DPP6: variants seen among roughly 807,000 people sequenced by gnomAD.
DPP6 encodes A-type potassium channel modulatory protein DPP6.
A neutral mutation model predicts 122.6 loss-of-function variants in DPP6; 69 were observed. That is an observed-to-expected ratio of 0.56 (90% CI 0.46 to 0.69). DPP6 has a LOEUF of 0.69. Among genes scored for constraint, DPP6 ranks in the 30% least tolerant of loss-of-function variants. The pLI is 0.00. For synonymous variants in DPP6, 418 were observed against 433.1 expected, an observed-to-expected ratio of 0.97 and a Z score of 0.43; for missense variants, 928 against 1,116.9, an observed-to-expected ratio of 0.83 and a Z score of 2.41.
intron 7 of DPP6, among the ~76,000 whole-genome samples, chr7:154,704,943 C>T (rs567451743): frequency 2.3e-4 from 35 of 152,184 alleles, no homozygotes; most frequent in African/African-American, 8.2e-4. Context: ...GCTATATTGT[C>T]GAGGCTGGGT....
At chr7:154,492,310 G>C (rs571273671) in intron 3 of DPP6, among the ~76,000 whole-genome samples, 2 of 152,264 alleles carry the variant, frequency 1.3e-5, no homozygotes, top group South Asian at 4.1e-4. Flanking sequence ...AAAGGATTCT[G>C]GGCAACTCAG....
intron 1 of DPP6, among the ~76,000 whole-genome samples, chr7:153,975,492 G>A (rs1796255248): frequency 6.6e-6 from 1 of 151,372 alleles, no homozygotes; most frequent in African/African-American, 2.4e-5. Flanking sequence ...CTTGTTATGG[G>A]TCTACAGGGA....
At chr7:153,919,596 G>A (rs899026439) in intron 1 of DPP6, among the ~76,000 whole-genome samples, 2 of 152,166 alleles carry the variant, frequency 1.3e-5, no homozygotes, top group Non-Finnish European at 2.9e-5. Context: ...AAAAGTACAC[G>A]TTAATCCAAG....
At chr7:153,781,088 T>G in the DPP6 span, among the ~76,000 whole-genome samples, 5 of 152,184 alleles carry the variant, frequency 3.3e-5, no homozygotes, top group Non-Finnish European at 5.9e-5. Context: ...TTTAGTCACT[T>G]AGGTGTATTC....
intron 1 of DPP6, among the ~76,000 whole-genome samples, chr7:154,275,335 C>T (rs1192653530): frequency 6.6e-6 from 1 of 152,190 alleles, no homozygotes; most frequent in Non-Finnish European, 1.5e-5. Flanking sequence ...TCCCTTGAAA[C>T]ACATCTTATA....
intron 7 of DPP6, among the ~76,000 whole-genome samples, chr7:154,718,365 G>A (rs1008066694): frequency 6.6e-6 from 1 of 152,028 alleles, no homozygotes; most frequent in Non-Finnish European, 1.5e-5. Flanking sequence ...CTTTCTTCTT[G>A]TTGTTTTATA....
At chr7:154,168,829 A>G (rs771923104) in intron 1 of DPP6, among the ~76,000 whole-genome samples, 2 of 152,256 alleles carry the variant, frequency 1.3e-5, no homozygotes, top group Non-Finnish European at 2.9e-5. Context: ...AGAACTTTAC[A>G]AGCATTTCTA....
the DPP6 span, among the ~76,000 whole-genome samples, chr7:153,752,528 C>T: frequency 1.3e-5 from 2 of 151,674 alleles, no homozygotes; most frequent in South Asian, 2.1e-4. Context: ...GGATTACAGG[C>T]GTGAGCCACC....
chr7:154,141,123 C>G (rs959368480), intron 1 of DPP6, among the ~76,000 whole-genome samples: 1 of 152,140 alleles, frequency 6.6e-6, no homozygotes, highest in Non-Finnish European at 1.5e-5. Flanking sequence ...TAAGCTCTCA[C>G]GTTTGGAGAA....
chr7:154,273,194 T>C (rs1408251010), intron 1 of DPP6, among the ~76,000 whole-genome samples: 1 of 152,116 alleles, frequency 6.6e-6, no homozygotes, highest in Non-Finnish European at 1.5e-5. Flanking sequence ...CCCAATAATG[T>C]AGAGAGCTGC....
In DPP6 at chr7:154,769,544, C is replaced by G. The variant is rs781733598; in HGVS notation, c.1011C>G (p.Pro337=). The change falls in exon 9 of 26, where the codon CCC becomes CCG. Residue 337 remains proline (P), a synonymous_variant. Coordinates refer to ENST00000377770, the MANE Select transcript of DPP6 (RefSeq NM_130797.4). ...CAACTTACACCGGCTCCATCTACCCCACCGTGAAGCCCTACCACTATCCCA... is the reference window on the plus strand; with the variant it reads ...CAACTTACACCGGCTCCATCTACCCGACCGTGAAGCCCTACCACTATCCCA... The part of the protein sequence containing the change: ...ELPTYTGSIY[P]TVKPYHYPKA... The G allele has an allele frequency of 1.2e-5, 19 of 1,611,396 alleles. No individual in the cohort carries two copies. Among genetic ancestry groups the G allele is most frequent in the Admixed American group, 1.7e-5 (1 of 59,772 alleles).
chr7:154,028,911 C>T (rs1165848408), intron 1 of DPP6, among the ~76,000 whole-genome samples: 1 of 151,938 alleles, frequency 6.6e-6, no homozygotes, highest in Non-Finnish European at 1.5e-5. Flanking sequence ...CAACTCTGGC[C>T]TTACTTATGG....
chr7:153,807,926 G>A, the DPP6 span, among the ~76,000 whole-genome samples: 4 of 151,860 alleles, frequency 2.6e-5, no homozygotes, highest in South Asian at 2.1e-4. Context: ...CAGAGGCAGC[G>A]TGGCCTGAAA....
rs751647751 is a variant in DPP6 at position 154,893,001 on chromosome 7, G to A, written c.*521G>A. The A allele has an allele frequency of 2.0e-6, 1 of 506,336 alleles. No individual in the cohort carries two copies. Among genetic ancestry groups the A allele is most frequent in the Non-Finnish European group, 4.0e-6 (1 of 250,840 alleles). 31.4% of individuals were successfully genotyped at this position (506,336 alleles called of 1,614,324 possible). Reference sequence around the variant, plus strand: ...TTCCTGTAATGAGGACGTTCAACATGGTGAGGGGCTACAAGAAAACGCTTT... The same window carrying A: ...TTCCTGTAATGAGGACGTTCAACATAGTGAGGGGCTACAAGAAAACGCTTT... On this transcript the variant is annotated 3_prime_UTR_variant, in exon 26 of 26. Coordinates refer to ENST00000377770, the MANE Select transcript of DPP6 (RefSeq NM_130797.4).
chr7:153,997,045 C>G (rs1014614001), intron 1 of DPP6, among the ~76,000 whole-genome samples: 2 of 152,144 alleles, frequency 1.3e-5, no homozygotes, highest in African/African-American at 2.4e-5. Context: ...CTCTCTCTCT[C>G]TCTCTCCATC....
intron 8 of DPP6, among the ~76,000 whole-genome samples, chr7:154,745,978 T>C (rs928497817): frequency 6.6e-5 from 10 of 152,186 alleles, no homozygotes; most frequent in African/African-American, 2.2e-4. Flanking sequence ...AGCCAGGCCA[T>C]AGCAGGGCAT....
chr7:154,153,314 T>C (rs1259995724), intron 1 of DPP6, among the ~76,000 whole-genome samples: 3 of 152,168 alleles, frequency 2.0e-5, no homozygotes, highest in African/African-American at 7.2e-5. Context: ...GCCTCCTAAG[T>C]AGCAGGGATT....
chr7:154,841,600 TTA>T (rs894264746), intron 16 of DPP6, among the ~76,000 whole-genome samples: 4 of 151,210 alleles, frequency 2.6e-5, no homozygotes, highest in African/African-American at 7.4e-5. Flanking sequence ...CTTCTTTTTT[TTA>T]TGATTGGGAA....
intron 1 of DPP6, among the ~76,000 whole-genome samples, chr7:154,358,848 G>A (rs535134627): frequency 6.6e-6 from 1 of 152,262 alleles, no homozygotes; most frequent in Non-Finnish European, 1.5e-5. Context: ...TGGGATTACA[G>A]GCAGCCACCA....
Sources: allele counts gnomAD v4.1 joint callset (sites outside exome capture counted in the v4.1 genomes callset), GRCh38; gene constraint gnomAD v4.1.1; transcripts MANE v1.5; gene names NCBI Gene and HGNC (gene_info 2026-07-23, HGNC 2026-07-21).